Variants in CDH10 observed in about 807,000 individuals in gnomAD.
CDH10 encodes cadherin 10, also known as cadherin-10.
CDH10 carries 30 observed loss-of-function variants against 73.1 expected under a neutral mutation model. The observed-to-expected ratio is 0.41, with a 90% CI of 0.31 to 0.56. The LOEUF is 0.56. Among genes scored for constraint, CDH10 ranks in the 20% least tolerant of loss-of-function variants. CDH10 has a pLI of 0.27. For missense variants in CDH10, 815 were observed against 973.7 expected (o/e 0.84, Z 2.17); for synonymous variants, 345 against 348.2 (o/e 0.99, Z 0.10).
chr5:24,567,784 T>C (rs147173186), intron 2 of CDH10, among the ~76,000 whole-genome samples: 15 of 152,188 alleles, frequency 9.9e-5, no homozygotes, highest in Middle Eastern at 6.8e-3. Flanking sequence ...ATATGTAAAT[T>C]ATACTTCAAA....
In CDH10 at chr5:24,626,200, T is replaced by G. The variant is rs76434808; in HGVS notation, c.-124+18394A>C. 5.7e-3 allele frequency among the ~76,000 whole-genome samples: 867 copies of G among 152,320 alleles called. 11 individuals carry two copies. Among genetic ancestry groups the G allele is most frequent in the African/African-American group, 0.02 (819 of 41,574 alleles). Reference sequence around the variant, plus strand: ...CCCAAAACAATGTGGTTGACGACTATGTGAATAGGCACTGGGAGCTAACAG... The same window carrying G: ...CCCAAAACAATGTGGTTGACGACTAGGTGAATAGGCACTGGGAGCTAACAG... On this transcript the variant is annotated intron_variant, in intron 1 of 11. Transcript: ENST00000264463.
rs565396115 is a variant in CDH10 at position 24,530,949 on chromosome 5, T to C, written c.814+4163A>G. 7.9e-5 allele frequency among the ~76,000 whole-genome samples: 12 copies of C among 152,208 alleles called. No homozygotes were observed. In the South Asian group the frequency reaches 2.5e-3, roughly 32 times the overall value. ...GATTTTGTTAATGGCAATGATAATT[T>C]ATAATTATCAATGTTCCCCTGAGCG... On this transcript the variant is annotated intron_variant, in intron 5 of 11. Coordinates refer to ENST00000264463, the MANE Select transcript of CDH10 (RefSeq NM_006727.5).
chr5:24,529,527 T>C (rs765001746), intron 5 of CDH10, among the ~76,000 whole-genome samples: 5 of 152,158 alleles, frequency 3.3e-5, no homozygotes, highest in Admixed American at 2.0e-4. Context: ...ACTGCTTATA[T>C]TTGTCACTAT....
At chr5:24,601,254 AT>A (rs1355973848) in intron 1 of CDH10, among the ~76,000 whole-genome samples, 1 of 152,084 alleles carries the variant, frequency 6.6e-6, no homozygotes, top group Admixed American at 6.6e-5. Context: ...TGGAAATCAA[AT>A]TTTTCTCCCA....
At chr5:24,597,555 G>T (rs1746415088) in intron 1 of CDH10, among the ~76,000 whole-genome samples, 1 of 152,010 alleles carries the variant, frequency 6.6e-6, no homozygotes, top group African/African-American at 2.4e-5. Context: ...GAGTTTGTTT[G>T]CTTCAAGCTA....
At chr5:24,608,857 A>G (rs1000619944) in intron 1 of CDH10, among the ~76,000 whole-genome samples, 3 of 152,228 alleles carry the variant, frequency 2.0e-5, no homozygotes, top group Non-Finnish European at 2.9e-5. Context: ...AAAATGAATA[A>G]GCTGCAATTT....
In CDH10 at chr5:24,513,434, G is replaced by C. The variant is rs570186634; in HGVS notation, c.815-1920C>G. ...TGACACTGTTCAAAGCTGACTGTTT[G>C]TTGGGCTATGCCAAGCCAAGGAGAG... On this transcript the variant is annotated intron_variant, in intron 5 of 11. Transcript: ENST00000264463. Among the ~76,000 whole-genome samples the C allele has an allele frequency of 5.9e-5, 9 of 152,222 alleles. No individual in the cohort carries two copies. The East Asian group carries it at 1.4e-3, about 23-fold the overall frequency.
At chr5:24,592,462 T>G (rs1008668409) in intron 2 of CDH10, among the ~76,000 whole-genome samples, 3 of 151,962 alleles carry the variant, frequency 2.0e-5, no homozygotes, top group Middle Eastern at 3.4e-3. Flanking sequence ...TTGTAAGCTC[T>G]CAAGTCAACT....
Position 24,509,809 on chromosome 5 carries a change from T to C in CDH10, c.1013A>G (p.Tyr338Cys), listed in dbSNP as rs1354492264. The change falls in exon 7 of 12, where the codon TAT becomes TGT. Residue 338 changes from tyrosine (Y) to cysteine (C), a missense_variant. Tyr to Cys is a radical substitution (Grantham distance 194). Around this residue, in one of 3 missense-constraint regions of CDH10, gnomAD observed 516 missense variants for 636.6 expected, o/e 0.81. Transcript: ENST00000264463. Reference sequence around the variant, plus strand: ...CAGAGTATAAAGTCTTCGGCTCTCATAGTCGAGTGGCTGTATAAAAAAATA... The same window carrying C: ...CAGAGTATAAAGTCTTCGGCTCTCACAGTCGAGTGGCTGTATAAAAAAATA... ...GIITVKKPLD[Y>C]ESRRLYTLKV... The C allele has an allele frequency of 6.2e-7, 1 of 1,607,330 alleles. No individual in the cohort carries two copies. Among genetic ancestry groups the C allele is most frequent in the Non-Finnish European group, 8.5e-7 (1 of 1,176,828 alleles).
At chr5:24,497,553 G>T (rs564245790) in intron 9 of CDH10, among the ~76,000 whole-genome samples, 2 of 152,198 alleles carry the variant, frequency 1.3e-5, no homozygotes, top group South Asian at 4.2e-4. Context: ...TCAAAAGGAA[G>T]AATTTGAATT....
chr5:24,496,399 T>G (rs540775096), intron 9 of CDH10, among the ~76,000 whole-genome samples: 2 of 152,274 alleles, frequency 1.3e-5, no homozygotes, highest in Admixed American at 1.3e-4. Context: ...GCTGAGGTCC[T>G]CTGACTCTCT....
At chr5:24,626,162 G>T (rs1052650238) in intron 1 of CDH10, among the ~76,000 whole-genome samples, 3 of 152,144 alleles carry the variant, frequency 2.0e-5, no homozygotes, top group Admixed American at 6.6e-5. Flanking sequence ...TCATGGATCA[G>T]ATTCTTTTGG....
chr5:24,623,459 A>T (rs1484898406), intron 1 of CDH10, among the ~76,000 whole-genome samples: 1 of 152,212 alleles, frequency 6.6e-6, no homozygotes, highest in African/African-American at 2.4e-5. Context: ...GTGCATTCTT[A>T]AAGTGGACTA....
chr5:24,625,250 T>C (rs753569500), intron 1 of CDH10, among the ~76,000 whole-genome samples: 2 of 136,088 alleles, frequency 1.5e-5, no homozygotes, highest in Non-Finnish European at 3.3e-5. Context: ...ACCACTTTTA[T>C]CTTTGTCAAA....
At chr5:24,616,124 TA>T (rs11326457) in intron 1 of CDH10, among the ~76,000 whole-genome samples, 13,487 of 146,684 alleles carry the variant, frequency 0.092, 737 homozygotes, top group African/African-American at 0.15. Context: ...TTCAGAAAGT[TA>T]AAAAAAAAAA....
At chr5:24,636,776 T>C (rs1218751383) in intron 1 of CDH10, among the ~76,000 whole-genome samples, 1 of 151,970 alleles carries the variant, frequency 6.6e-6, no homozygotes, top group East Asian at 1.9e-4. Context: ...GGGATGGGTA[T>C]ATTAGTCTCA....
intron 1 of CDH10, among the ~76,000 whole-genome samples, chr5:24,615,076 C>T (rs1747083749): frequency 6.6e-6 from 1 of 152,170 alleles, no homozygotes; most frequent in Non-Finnish European, 1.5e-5. Context: ...AACTTGCCCA[C>T]ATTACCCACA....
At chr5:24,524,438 G>A (rs1743451274) in intron 5 of CDH10, among the ~76,000 whole-genome samples, 1 of 152,052 alleles carries the variant, frequency 6.6e-6, no homozygotes, top group East Asian at 1.9e-4. Context: ...CACTGACAAA[G>A]GCAAATGAGT....
rs114408265 is a variant in CDH10 at position 24,641,711 on chromosome 5, A to G, written c.-124+2883T>C. Among the ~76,000 whole-genome samples, 1,022 of 152,160 alleles carry G rather than the reference A, an allele frequency of 6.7e-3. 6 individuals carry two copies. The highest frequency in any genetic ancestry group is 0.012 in the Non-Finnish European group (793 of 67,948). ...AGTATAACGCTTAATCAATTTTACC[A>G]TTGCTCAGTATACGTTTAAGAAGGA... On this transcript the variant is annotated intron_variant, in intron 1 of 11. Transcript: ENST00000264463.
Sources: gnomAD v4.1 joint callset for allele counts (sites outside exome capture counted in the v4.1 genomes callset) on GRCh38, gnomAD v4.1.1 for gene constraint, gnomAD v4.1.1 regional missense constraint, MANE v1.5 for transcripts, NCBI Gene and HGNC (gene_info 2026-07-23, HGNC 2026-07-21) for gene names.